The following RIF1 variants were observed in gnomAD, a reference collection of about 807,000 sequenced individuals.
RIF1 encodes the protein telomere-associated protein RIF1.
RIF1 carries 45 observed loss-of-function variants against 247.1 expected under a neutral mutation model. The observed-to-expected ratio is 0.18, with a 90% CI of 0.14 to 0.23. The LOEUF (loss-of-function observed/expected upper bound fraction) is 0.23. RIF1 is among the 10% of genes least tolerant of loss of function. RIF1 has a pLI of 1.00. For missense variants in RIF1, 2,967 were observed against 2,862.5 expected (o/e 1.04, Z -0.83); for synonymous variants, 1,087 against 978.8 (o/e 1.11, Z -2.06).
At chr2:151,518,907 A>G in the RIF1 span, 4 of 1,193,488 alleles carry the variant, frequency 3.4e-6, no homozygotes, top group Non-Finnish European at 5.0e-6. Flanking sequence ...GGGCTCAGAA[A>G]GAATTTAGTT....
At chr2:151,529,414 A>C in the RIF1 span, 3 of 772,864 alleles carry the variant, frequency 3.9e-6, no homozygotes, top group Non-Finnish European at 6.7e-6. Flanking sequence ...TATAGTACAC[A>C]ATGCTCCTTA....
chr2:151,520,973 A>G, the RIF1 span, among the ~76,000 whole-genome samples: 1 of 152,214 alleles, frequency 6.6e-6, no homozygotes, highest in Non-Finnish European at 1.5e-5. Context: ...AGTATTGCAG[A>G]ATTAAGGCCA....
chr2:151,530,501 A>G, the RIF1 span: 1 of 152,578 alleles, frequency 6.6e-6, no homozygotes. Context: ...TAAACTGATC[A>G]TAGGAATCAC....
the RIF1 span, chr2:151,533,338 G>T: frequency 1.3e-6 from 1 of 743,682 alleles, no homozygotes. Flanking sequence ...ACCATATGAA[G>T]CCAGCATGGG....
chr2:151,500,493 C>T (rs902950462), intron 11 of RIF1, among the ~76,000 whole-genome samples: 1 of 150,592 alleles, frequency 6.6e-6, no homozygotes, highest in African/African-American at 2.4e-5. Flanking sequence ...AATATAAGCT[C>T]ATGATCTGAT....
chr2:151,455,384 C>T (rs1177024417), intron 22 of RIF1, among the ~76,000 whole-genome samples: 1 of 152,082 alleles, frequency 6.6e-6, no homozygotes, highest in Non-Finnish European at 1.5e-5. Flanking sequence ...CTTTGCTTTT[C>T]AATGCTTACC....
chr2:151,527,152 C>T, the RIF1 span: 2 of 657,550 alleles, frequency 3.0e-6, no homozygotes. Flanking sequence ...AGGAGAAGAG[C>T]TTCTTGGTCC....
intron 9 of RIF1, chr2:151,493,383 T>C: frequency 1.2e-6 from 2 of 1,612,458 alleles, no homozygotes; most frequent in Non-Finnish European, 1.7e-6. Context: ...TGCGCTTAGC[T>C]CTCTCCATCT....
At position 151,465,328 on chromosome 2, in the gene RIF1, T is replaced by C. The variant is rs1478185871; in HGVS notation, c.5808T>C (p.Gly1936=). The stretch of plus-strand genomic sequence containing the variant: ...ATGGACAAGAGAGAACCAAAACTGG[T>C]ATTTCTGAAGAAGCAGCAATAGAAG... ...SFHGQERTKT[G]ISEEAAIEEN... The change falls in exon 30 of 36, where the codon GGT becomes GGC. Residue 1936 remains glycine, a synonymous_variant. Transcript: ENST00000444746. The C allele has an allele frequency of 1.9e-6, 3 of 1,613,800 alleles. No individual in the cohort carries two copies. Among genetic ancestry groups the C allele is most frequent in the Non-Finnish European group, 2.5e-6 (3 of 1,179,988 alleles).
At chr2:151,427,295 C>T (rs552423588) in intron 8 of RIF1, among the ~76,000 whole-genome samples, 20 of 151,820 alleles carry the variant, frequency 1.3e-4, no homozygotes, top group African/African-American at 2.9e-4. Flanking sequence ...ACTGCAGCCT[C>T]GGCCTCTCAG....
At position 151,416,842 on chromosome 2, in the gene RIF1, T is replaced by G. The variant is rs764650835; in HGVS notation, c.444T>G (p.Phe148Leu). Residue 148 changes from phenylalanine (F) to leucine (L), a missense_variant, in exon 6 of 36, where the codon TTT (phenylalanine) becomes TTG (leucine). Physicochemically the swap from Phe to Leu is conservative, Grantham distance 22. Transcript: ENST00000444746. ...SSIIDSLEIL[F>L]NKGETHSAVV... The stretch of plus-strand genomic sequence containing the variant: ...TAATTGATTCATTAGAAATACTGTT[T>G]AACAAAGGAGAGACGCATTCTGCTG... The G allele has an allele frequency of 3.7e-6, 6 of 1,612,930 alleles. 1 individual carries two copies. The South Asian group carries it at 4.4e-5, about 12-fold the overall frequency.
In RIF1 at chr2:151,436,852, G is replaced by A. The variant is rs568456018; in HGVS notation, c.1221G>A (p.Pro407=). Residue 407 remains proline (P), a synonymous_variant, in exon 12 of 36, where the codon CCG becomes CCA. Transcript: ENST00000444746. ...HKGASSPYGA[P]GTPRMNLSSN... ...GTGCTTCCTCCCCGTACGGAGCCCCGGGAACTCCCCGAATGAACCTGAGTT... is the reference window on the plus strand; with the variant it reads ...GTGCTTCCTCCCCGTACGGAGCCCCAGGAACTCCCCGAATGAACCTGAGTT... 1.5e-5 allele frequency: 24 copies of A among 1,607,174 alleles called. No homozygotes were observed. Among genetic ancestry groups the A allele is most frequent in the Middle Eastern group, 3.3e-4 (2 of 6,038 alleles).
the RIF1 span, chr2:151,514,241 G>T: frequency 2.0e-6 from 2 of 983,432 alleles, no homozygotes; most frequent in Admixed American, 2.0e-5. Context: ...TTTTTGTTTT[G>T]CTTTTTCTGG....
the RIF1 span, chr2:151,516,536 C>T: frequency 3.1e-6 from 5 of 1,611,890 alleles, no homozygotes; most frequent in Non-Finnish European, 4.2e-6. Flanking sequence ...TTTCCTCGTT[C>T]CTTTTCATAC....
At chr2:151,514,789 A>G in the RIF1 span, 4 of 1,416,456 alleles carry the variant, frequency 2.8e-6, no homozygotes, top group Non-Finnish European at 3.9e-6. Flanking sequence ...TTGGATTAAG[A>G]GGGAAAGAAA....
Position 151,465,964 on chromosome 2 carries a change from A to T in RIF1, c.6444A>T (p.Leu2148=). The T allele has an allele frequency of 6.2e-7, 1 of 1,614,098 alleles. No individual in the cohort carries two copies. The highest frequency in any genetic ancestry group is 8.5e-7 in the Non-Finnish European group (1 of 1,179,944). The stretch of plus-strand genomic sequence containing the variant: ...ACAATAATGCATCTCCTCAAAAACT[A>T]AGGGAACTTGATCCTTCACTTGTGT... ...IEDNNASPQK[L]RELDPSLVSA... Residue 2148 remains leucine (L), a synonymous_variant, in exon 30 of 36, where the codon CTA becomes CTT. Coordinates refer to ENST00000444746, the MANE Select transcript of RIF1 (RefSeq NM_018151.5).
At position 151,465,482 on chromosome 2, in the gene RIF1, ACTGAGATTT is replaced by A; in HGVS notation, c.5967_5975del (p.Ile1990_Glu1992del). On this transcript the variant is annotated inframe_deletion, in exon 30 of 36. Transcript: ENST00000444746. ...TACACCTGTAAAATTGAATGCTCAA[ACTGAGATTT>A]CTGAACAAACAGCAGCTGGGGAACT... The A allele has an allele frequency of 2.5e-6, 4 of 1,614,100 alleles. No individual in the cohort carries two copies. The highest frequency in any genetic ancestry group is 3.4e-6 in the Non-Finnish European group (4 of 1,180,000).
rs1361506087 is a variant in RIF1 at position 151,445,402 on chromosome 2, C to G, written c.2051C>G (p.Thr684Ser). 1 of 1,608,700 alleles carries G rather than the reference C, an allele frequency of 6.2e-7. No individual in the cohort carries two copies. Among genetic ancestry groups the G allele is most frequent in the East Asian group, 2.2e-5 (1 of 44,836 alleles). ...TTTAGTGCCATCTATGGTGCATTGACTTTACCAGTAAACCACATTTTTTCA... is the reference window on the plus strand; with the variant it reads ...TTTAGTGCCATCTATGGTGCATTGAGTTTACCAGTAAACCACATTTTTTCA... Reference protein sequence around the residue: ...HNFSAIYGALTLPVNHIFSEQ... With the variant: ...HNFSAIYGALSLPVNHIFSEQ... Residue 684 changes from threonine (T) to serine (S), a missense_variant, in exon 19 of 36, where the codon ACT becomes AGT. Around this residue, in one of 7 missense-constraint regions of RIF1, gnomAD observed 76 missense variants for 113.3 expected, o/e 0.67. Coordinates refer to ENST00000444746, the MANE Select transcript of RIF1 (RefSeq NM_018151.5).
intron 25 of RIF1, 68 bp from the exon 26 acceptor site, chr2:151,459,932 A>G: frequency 7.8e-7 from 1 of 1,277,922 alleles, no homozygotes; most frequent in South Asian, 1.4e-5. Flanking sequence ...GAATTTTCAA[A>G]ACGTGAAAAG....
Sources: gnomAD v4.1 joint callset for allele counts (sites outside exome capture counted in the v4.1 genomes callset) on GRCh38, gnomAD v4.1.1 for gene constraint, gnomAD v4.1.1 regional missense constraint, MANE v1.5 for transcripts, NCBI Gene and HGNC (gene_info 2026-07-23, HGNC 2026-07-21) for gene names.